The following ZC3H7A variants were observed in gnomAD, a reference collection of about 807,000 sequenced individuals.
The protein encoded by ZC3H7A is zinc finger CCCH-type containing 7A.
In ZC3H7A, 44 loss-of-function variants were observed where a neutral mutation model predicts 125.5. That is an observed-to-expected ratio of 0.35 (90% CI 0.28 to 0.45). The LOEUF (loss-of-function observed/expected upper bound fraction) is 0.45. ZC3H7A is among the 20% of genes least tolerant of loss of function. The probability of loss-of-function intolerance (pLI) is 1.00; values close to 1 mark genes in which losing one functional copy is unlikely to be tolerated. For missense variants in ZC3H7A, 977 were observed against 1,170.7 expected (o/e 0.83, Z 2.41); for synonymous variants, 399 against 391.2 (o/e 1.02, Z -0.23).
At chr16:11,762,913 A>G (rs150380241) in intron 16 of ZC3H7A, 166 bp from the exon 17 acceptor site, 53 of 585,970 alleles carry the variant, frequency 9.0e-5, no homozygotes, top group Admixed American at 2.2e-4. Flanking sequence ...AATGGAATAT[A>G]CACAAATACA....
intron 21 of ZC3H7A, among the ~76,000 whole-genome samples, 196 bp downstream of exon 21, chr16:11,756,041 T>A (rs1387373354): frequency 1.3e-5 from 2 of 152,130 alleles, no homozygotes; most frequent in Non-Finnish European, 2.9e-5. Context: ...CGCGAGCCTA[T>A]AATCCCAGCT....
chr16:11,770,644 G>T, intron 10 of ZC3H7A, 139 bp downstream of exon 10: 1 of 868,976 alleles, frequency 1.2e-6, no homozygotes, highest in Non-Finnish European at 1.7e-6. Context: ...AAAACTGAAG[G>T]CTTAGTCTTT....
At position 11,774,395 on chromosome 16, in the gene ZC3H7A, T is replaced by C. The variant is rs781194037; in HGVS notation, c.744A>G (p.Leu248=). The change falls in exon 9 of 23, where the codon CTA becomes CTG. Residue 248 remains leucine, a synonymous_variant. Transcript: ENST00000355758. ...PVMPLTSILP[L]QVEESALPSA... ...ATGGCAGAGCGCTCTCTTCCACTTGTAGTGGCAAAATAGAAGTTAAGGGCA... is the reference window on the plus strand; with the variant it reads ...ATGGCAGAGCGCTCTCTTCCACTTGCAGTGGCAAAATAGAAGTTAAGGGCA... 1.9e-6 allele frequency: 3 copies of C among 1,613,710 alleles called. No homozygotes were observed. The highest frequency in any genetic ancestry group is 2.2e-5 in the East Asian group (1 of 44,860).
chr16:11,783,783 A>AT (rs1012311812), intron 1 of ZC3H7A, among the ~76,000 whole-genome samples: 4 of 152,054 alleles, frequency 2.6e-5, no homozygotes, highest in African/African-American at 9.7e-5. Context: ...TTTAAATCTC[A>AT]TTTTTTTCAA....
chr16:11,769,834 T>C (rs2052947508), intron 10 of ZC3H7A, among the ~76,000 whole-genome samples: 2 of 134,728 alleles, frequency 1.5e-5, no homozygotes, highest in Admixed American at 7.5e-5. Flanking sequence ...CTGTCACCCA[T>C]GCTGGAGTGC....
intron 16 of ZC3H7A, chr16:11,762,948 T>C (rs2052776949): frequency 2.0e-6 from 1 of 498,188 alleles, no homozygotes; most frequent in Non-Finnish European, 3.6e-6. Context: ...CTGAGGAATC[T>C]TTCCTCCCAA....
At chr16:11,776,054 G>A (rs1423609747) in intron 7 of ZC3H7A, among the ~76,000 whole-genome samples, 3 of 152,044 alleles carry the variant, frequency 2.0e-5, no homozygotes, top group Non-Finnish European at 2.9e-5. Flanking sequence ...CCAGCTACTC[G>A]GGAGGCTGAG....
At chr16:11,754,890 T>C (rs1474519094) in intron 21 of ZC3H7A, among the ~76,000 whole-genome samples, 13 of 77,836 alleles carry the variant, frequency 1.7e-4, no homozygotes, top group Admixed American at 5.9e-4. Flanking sequence ...AGACTCCGTC[T>C]CACAAAAAAA....
intron 18 of ZC3H7A, 56 bp from the exon 19 acceptor site, chr16:11,761,567 C>G: frequency 6.3e-7 from 1 of 1,577,840 alleles, no homozygotes. Context: ...AGACATAACA[C>G]AAAGGGAGAG....
chr16:11,762,580 G>T, intron 17 of ZC3H7A, 91 bp downstream of exon 17: 1 of 1,171,304 alleles, frequency 8.5e-7, no homozygotes, highest in Non-Finnish European at 1.3e-6. Flanking sequence ...TAACTGGACT[G>T]TAAGTGTTAA....
chr16:11,758,368 T>A (rs1311033121), intron 20 of ZC3H7A, 63 bp downstream of exon 20: 15 of 1,237,046 alleles, frequency 1.2e-5, no homozygotes, highest in Middle Eastern at 1.8e-4. Flanking sequence ...CTGGCATATT[T>A]ATAGAGAGGA....
intron 1 of ZC3H7A, 36 bp from the exon 2 acceptor site, chr16:11,782,424 C>T: frequency 6.3e-7 from 1 of 1,578,772 alleles, no homozygotes; most frequent in South Asian, 1.1e-5. Context: ...ACATAAGGTA[C>T]CAGGGTCCCT....
intron 18 of ZC3H7A, 38 bp from the exon 19 acceptor site, chr16:11,761,549 C>G (rs370742014): frequency 1.2e-5 from 20 of 1,604,954 alleles, no homozygotes; most frequent in Admixed American, 8.4e-5. Flanking sequence ...CAAAGACACA[C>G]GAGCAAAAGA....
Position 11,765,184 on chromosome 16 carries a change from A to T in ZC3H7A, c.1720-31T>A, listed in dbSNP as rs749062020. 1 of 1,340,676 alleles carries T rather than the reference A, an allele frequency of 7.5e-7. No individual in the cohort carries two copies. The highest frequency in any genetic ancestry group is 1.4e-5 in the South Asian group (1 of 72,914). 83.0% of individuals were successfully genotyped at this position (1,340,676 alleles called of 1,614,324 possible). On this transcript the variant is annotated intron_variant, in intron 14 of 22. Transcript: ENST00000355758. The surrounding 1 kb of genome is among the most constrained non-coding windows in gnomAD (Gnocchi z 4.8). ...ATAGAGAGAGAAAGATTATCAAAAAAAATACAAAATATAAATTTTGTACCC... is the reference window on the plus strand; with the variant it reads ...ATAGAGAGAGAAAGATTATCAAAAATAATACAAAATATAAATTTTGTACCC...
At chr16:11,790,231 T>G (rs1447467845) in intron 1 of ZC3H7A, among the ~76,000 whole-genome samples, 1 of 152,158 alleles carries the variant, frequency 6.6e-6, no homozygotes, top group Non-Finnish European at 1.5e-5. Context: ...GCATCAAATG[T>G]GTGCATCCTT....
chr16:11,765,636 A>G lies in ZC3H7A; in HGVS notation c.1572T>C (p.Ala524=). ...ECRYSGHCTF[A]YCQEEIDVWT... ...ACACATCTATCTCCTCTTGGCAATA[A>G]GCAAACGTGCAGTGGCCTGAATATC... Residue 524 remains alanine, a synonymous_variant, in exon 14 of 23, where the codon GCT becomes GCC. Coordinates refer to ENST00000355758, the MANE Select transcript of ZC3H7A (RefSeq NM_014153.4). This position sits in a 1 kb window ranked among gnomAD's most constrained non-coding sequence, Gnocchi z 4.8. The G allele has an allele frequency of 1.9e-6, 3 of 1,613,992 alleles. No individual in the cohort carries two copies. The highest frequency in any genetic ancestry group is 2.5e-6 in the Non-Finnish European group (3 of 1,179,924).
At chr16:11,791,592 T>C (rs1390835074) in intron 1 of ZC3H7A, among the ~76,000 whole-genome samples, 1 of 152,104 alleles carries the variant, frequency 6.6e-6, no homozygotes, top group Non-Finnish European at 1.5e-5. Flanking sequence ...AGCAGCCCAG[T>C]GTAAAGAGAA....
rs1393753766 is a variant in ZC3H7A, at chr16:11,776,707, T to C, written c.465+44A>G. ...ACTCTTTAAATGCCATTTATTATGA[T>C]GTAAATGGTTACGATGTAAACAAAT... On this transcript the variant is annotated intron_variant, in intron 5 of 22. Transcript: ENST00000355758. 30 of 1,560,396 alleles carry C rather than the reference T, an allele frequency of 1.9e-5. No homozygotes were observed. In the Admixed American group the frequency reaches 5.8e-4, roughly 30 times the overall value.
At chr16:11,751,582 T>C in intron 22 of ZC3H7A, 76 bp from the exon 23 acceptor site, 4 of 1,417,690 alleles carry the variant, frequency 2.8e-6, no homozygotes, top group Non-Finnish European at 3.8e-6. Context: ...TGAAACTGTA[T>C]ATTTCACTAG....
Sources: allele counts gnomAD v4.1 joint callset (sites outside exome capture counted in the v4.1 genomes callset), GRCh38; gene constraint gnomAD v4.1.1; non-coding constraint Gnocchi (gnomAD v3.1); transcripts MANE v1.5; gene names NCBI Gene and HGNC (gene_info 2026-07-23, HGNC 2026-07-21).